Variants in SYNE3 observed in about 807,000 individuals in gnomAD.
SYNE3 encodes nesprin-3.
In SYNE3, 100 loss-of-function variants were observed where a neutral mutation model predicts 111.2. That is an observed-to-expected ratio of 0.90 (90% CI 0.77 to 1.06). SYNE3 has a LOEUF of 1.06. SYNE3 is among the 50% of genes least tolerant of loss of function. The pLI is 0.00. For missense variants in SYNE3, 1,160 were observed against 1,240.3 expected, an observed-to-expected ratio of 0.94 and a Z score of 0.97; for synonymous variants, 547 against 533.9, an observed-to-expected ratio of 1.02 and a Z score of -0.34.
intron 1 of SYNE3, among the ~76,000 whole-genome samples, chr14:95,509,013 T>C (rs933855798): frequency 6.6e-6 from 1 of 152,224 alleles, no homozygotes; most frequent in Non-Finnish European, 1.5e-5. Flanking sequence ...ATAGTAGTAA[T>C]AATAGCGTGC....
intron 1 of SYNE3, among the ~76,000 whole-genome samples, chr14:95,489,589 G>C (rs1227162728): frequency 2.1e-5 from 3 of 140,100 alleles, no homozygotes; most frequent in Non-Finnish European, 4.4e-5. Context: ...ACCTCGGTTG[G>C]TGCTTAGTAG....
At chr14:95,514,439 C>A (rs373167495) in intron 1 of SYNE3, among the ~76,000 whole-genome samples, 10 of 152,326 alleles carry the variant, frequency 6.6e-5, no homozygotes, top group Admixed American at 2.6e-4. Flanking sequence ...GAAATCAAGG[C>A]AGGGAGAAGA....
intron 4 of SYNE3, among the ~76,000 whole-genome samples, chr14:95,461,935 G>A (rs1887847231): frequency 6.6e-6 from 1 of 152,212 alleles, no homozygotes; most frequent in African/African-American, 2.4e-5. Context: ...GTCTGGGGCT[G>A]GAGGGCTGGG....
intron 2 of SYNE3, among the ~76,000 whole-genome samples, chr14:95,473,442 A>G (rs1888656872): frequency 1.3e-5 from 2 of 152,220 alleles, no homozygotes; most frequent in South Asian, 4.1e-4. Context: ...TAAGGTCAGG[A>G]GCTGGGGCTG....
intron 1 of SYNE3, 63 bp from the exon 2 acceptor site, chr14:95,475,898 C>A (rs938417690): frequency 7.4e-7 from 1 of 1,347,956 alleles, no homozygotes; most frequent in Non-Finnish European, 9.6e-7. Context: ...AAAAGACCCC[C>A]GGCAGGACAC....
intron 9 of SYNE3, 35 bp from the exon 10 acceptor site, chr14:95,444,663 C>T (rs767355621): frequency 2.0e-6 from 3 of 1,534,290 alleles, no homozygotes; most frequent in Non-Finnish European, 2.6e-6. Context: ...ACATTAAGAG[C>T]GTTCCTCATG....
chr14:95,460,346 A>G (rs1234088888), intron 4 of SYNE3, among the ~76,000 whole-genome samples: 2 of 146,246 alleles, frequency 1.4e-5, no homozygotes, highest in Non-Finnish European at 3.0e-5. Flanking sequence ...CTGGCATTAC[A>G]GGGGTGCACC....
At chr14:95,430,391 A>G (rs1427803870) in intron 17 of SYNE3, among the ~76,000 whole-genome samples, 1 of 152,016 alleles carries the variant, frequency 6.6e-6, no homozygotes, top group East Asian at 1.9e-4. Flanking sequence ...TCCCTTTCTC[A>G]TGAGAAGTGT....
chr14:95,479,063 C>G (rs1595241792), intron 1 of SYNE3, among the ~76,000 whole-genome samples: 1 of 152,090 alleles, frequency 6.6e-6, no homozygotes, highest in East Asian at 1.9e-4. Flanking sequence ...TGTCCATATT[C>G]TCATCTGGAA....
intron 1 of SYNE3, among the ~76,000 whole-genome samples, chr14:95,502,239 C>T (rs1228442002): frequency 6.6e-6 from 1 of 151,950 alleles, no homozygotes; most frequent in African/African-American, 2.4e-5. Flanking sequence ...TCCAAGACTC[C>T]CAGACTGTCC....
intron 1 of SYNE3, among the ~76,000 whole-genome samples, chr14:95,477,786 C>T (rs536525149): frequency 6.6e-6 from 1 of 152,202 alleles, no homozygotes; most frequent in East Asian, 1.9e-4. Flanking sequence ...TGTAGCCACT[C>T]CCTGCCTTTG....
intron 2 of SYNE3, among the ~76,000 whole-genome samples, chr14:95,472,455 G>T (rs951494589): frequency 2.0e-5 from 3 of 152,216 alleles, no homozygotes; most frequent in African/African-American, 7.2e-5. Context: ...AGGCTCTGGG[G>T]ATGGGCAGGG....
In SYNE3 at chr14:95,500,152, G is replaced by T. The variant is rs574192843; in HGVS notation, c.-15+16444C>A. 1.3e-5 allele frequency among the ~76,000 whole-genome samples: 2 copies of T among 152,064 alleles called. No homozygotes were observed. Among genetic ancestry groups the T allele is most frequent in the African/African-American group, 4.8e-5 (2 of 41,390 alleles). On this transcript the variant is annotated intron_variant, in intron 1 of 17. Coordinates refer to ENST00000682763, the MANE Select transcript of SYNE3 (RefSeq NM_152592.6). The surrounding 1 kb of genome is among the most constrained non-coding windows in gnomAD (Gnocchi z 4.7). ...TGGGATTAAAGGCGTGAGCCACTGCGCCCGGCCTACCTCCTGTCTTATATC... is the reference window on the plus strand; with the variant it reads ...TGGGATTAAAGGCGTGAGCCACTGCTCCCGGCCTACCTCCTGTCTTATATC...
At chr14:95,457,428 G>A (rs1193561294) in intron 4 of SYNE3, 90 bp from the exon 5 acceptor site, 5 of 1,382,706 alleles carry the variant, frequency 3.6e-6, no homozygotes, top group Non-Finnish European at 4.8e-6. Context: ...GGGTGTGTGT[G>A]TGTGTGTGTG....
intron 17 of SYNE3, among the ~76,000 whole-genome samples, chr14:95,423,974 G>C (rs551764715): frequency 1.6e-4 from 24 of 149,824 alleles, no homozygotes; most frequent in Non-Finnish European, 2.5e-4. Context: ...GGGATTTGAT[G>C]GGGATGGGGA....
intron 8 of SYNE3, among the ~76,000 whole-genome samples, chr14:95,448,489 C>T (rs918423168): frequency 3.3e-5 from 5 of 151,588 alleles, no homozygotes; most frequent in Admixed American, 6.6e-5. Context: ...GAGCTCGAGA[C>T]CGGCCTGGTC....
chr14:95,497,524 CT>C (rs1328070121), intron 1 of SYNE3, among the ~76,000 whole-genome samples: 2 of 152,208 alleles, frequency 1.3e-5, no homozygotes, highest in Admixed American at 1.3e-4. Flanking sequence ...ACAGCATAAT[CT>C]GGCCATTTAC....
At chr14:95,429,635 C>A (rs1885632040) in intron 17 of SYNE3, among the ~76,000 whole-genome samples, 1 of 152,206 alleles carries the variant, frequency 6.6e-6, no homozygotes, top group African/African-American at 2.4e-5. Context: ...AGGCAGCAAG[C>A]ACCAAAGTCA....
intron 16 of SYNE3, among the ~76,000 whole-genome samples, 177 bp downstream of exon 16, chr14:95,433,070 GCCAAATGGCGTCA>G (rs1885881885): frequency 6.6e-6 from 1 of 152,148 alleles, no homozygotes; most frequent in Non-Finnish European, 1.5e-5. Flanking sequence ...TGGTTGGATG[GCCAAATGGCGTCA>G]CCTAAGTGCC....
Sources: gnomAD v4.1 joint callset for allele counts (sites outside exome capture counted in the v4.1 genomes callset) on GRCh38, gnomAD v4.1.1 for gene constraint, Gnocchi (gnomAD v3.1) non-coding constraint, MANE v1.5 for transcripts, NCBI Gene and HGNC (gene_info 2026-07-23, HGNC 2026-07-21) for gene names.